Variants in FAM184B observed in about 807,000 individuals in gnomAD.
FAM184B encodes the protein family with sequence similarity 184 member B.
Under a neutral mutation model 135.9 loss-of-function variants are expected in FAM184B, and 111 were observed. The ratio of observed to expected loss-of-function variants is 0.82; its 90% CI spans 0.70 to 0.96. The LOEUF (loss-of-function observed/expected upper bound fraction) is 0.96, where lower values mean the gene tolerates loss of function less well. Ranked by LOEUF, FAM184B falls within the 40% of genes least tolerant of loss-of-function variation. The pLI is 0.00. For synonymous variants in FAM184B, 552 were observed against 524.8 expected, an observed-to-expected ratio of 1.05 and a Z score of -0.71; for missense variants, 1,375 against 1,323.9, an observed-to-expected ratio of 1.04 and a Z score of -0.60.
At chr4:17,650,949 G>A (rs904366863) in intron 11 of FAM184B, among the ~76,000 whole-genome samples, 1 of 151,968 alleles carries the variant, frequency 6.6e-6, no homozygotes, top group Non-Finnish European at 1.5e-5. Flanking sequence ...GTCCAGGCTG[G>A]TCTTGAACTA....
chr4:17,765,896 G>A (rs1017382944), intron 1 of FAM184B, among the ~76,000 whole-genome samples: 8 of 152,164 alleles, frequency 5.3e-5, no homozygotes, highest in African/African-American at 1.9e-4. Context: ...TGAAGCTGCA[G>A]ACCTTCGCGG....
At chr4:17,708,787 C>G (rs577156895) in intron 2 of FAM184B, 105 bp downstream of exon 2, 14 of 1,238,094 alleles carry the variant, frequency 1.1e-5, no homozygotes, top group Non-Finnish European at 1.5e-5. Context: ...GGCTCACCTC[C>G]GTAGAAGGCA....
At chr4:17,710,403 C>G (rs1363527767) in intron 1 of FAM184B, among the ~76,000 whole-genome samples, 1 of 152,062 alleles carries the variant, frequency 6.6e-6, no homozygotes, top group Non-Finnish European at 1.5e-5. Flanking sequence ...TGAAAATCAG[C>G]TAATGTAATA....
intron 1 of FAM184B, among the ~76,000 whole-genome samples, chr4:17,744,403 G>C (rs969906366): frequency 2.1e-4 from 32 of 151,680 alleles, no homozygotes; most frequent in South Asian, 2.1e-3. Context: ...CGCGAGGCAG[G>C]CCTTGGGGGC....
intron 11 of FAM184B, among the ~76,000 whole-genome samples, chr4:17,648,755 A>T (rs1715533042): frequency 6.6e-6 from 1 of 152,112 alleles, no homozygotes; most frequent in Non-Finnish European, 1.5e-5. Flanking sequence ...TCCCAGCAGG[A>T]TAGGGACTAA....
chr4:17,745,840 T>C (rs1214506794), intron 1 of FAM184B, among the ~76,000 whole-genome samples: 1 of 152,196 alleles, frequency 6.6e-6, no homozygotes, highest in Non-Finnish European at 1.5e-5. Flanking sequence ...GCTTTTGTGA[T>C]TTTAGAGAGT....
intron 1 of FAM184B, among the ~76,000 whole-genome samples, chr4:17,715,189 T>C (rs923058335): frequency 2.0e-5 from 3 of 152,110 alleles, no homozygotes; most frequent in African/African-American, 7.2e-5. Context: ...GAAATTAATG[T>C]TGGGGCCAGG....
chr4:17,708,037 G>T (rs1470176613), intron 2 of FAM184B, among the ~76,000 whole-genome samples: 1 of 152,130 alleles, frequency 6.6e-6, no homozygotes, highest in Non-Finnish European at 1.5e-5. Flanking sequence ...GCTGCTACTT[G>T]TAGAGATGGG....
chr4:17,690,396 T>G (rs1716704415), intron 6 of FAM184B, among the ~76,000 whole-genome samples: 1 of 152,100 alleles, frequency 6.6e-6, no homozygotes, highest in African/African-American at 2.4e-5. Context: ...AGGATAGTGG[T>G]AGCAAGTGAG....
At chr4:17,739,819 G>A (rs1717990894) in intron 1 of FAM184B, among the ~76,000 whole-genome samples, 4 of 151,944 alleles carry the variant, frequency 2.6e-5, no homozygotes, top group East Asian at 3.9e-4. Flanking sequence ...GCCTTGCAAG[G>A]TGCTGGGATT....
At chr4:17,633,938 T>C (rs74627932) in intron 16 of FAM184B, 50 bp from the exon 17 acceptor site, 9 of 241,038 alleles carry the variant, frequency 3.7e-5, no homozygotes, top group Admixed American at 5.8e-4. Context: ...AAAAACAAAA[T>C]AAAGCATTAT....
intron 1 of FAM184B, among the ~76,000 whole-genome samples, chr4:17,711,779 A>G (rs891945588): frequency 1.3e-5 from 2 of 152,292 alleles, no homozygotes; most frequent in Middle Eastern, 3.4e-3. Flanking sequence ...ACACGTCCTC[A>G]TGGGGATAGG....
At chr4:17,774,123 C>T (rs1054498740) in intron 1 of FAM184B, among the ~76,000 whole-genome samples, 9 of 152,120 alleles carry the variant, frequency 5.9e-5, no homozygotes, top group Non-Finnish European at 1.2e-4. Context: ...ACGCCTGCAA[C>T]CCTAGCACTC....
intron 1 of FAM184B, among the ~76,000 whole-genome samples, chr4:17,730,376 C>T (rs907809157): frequency 1.3e-5 from 2 of 152,132 alleles, no homozygotes; most frequent in Admixed American, 1.3e-4. Flanking sequence ...CCCAATCTAG[C>T]AAGGCAGGCC....
intron 7 of FAM184B, among the ~76,000 whole-genome samples, chr4:17,682,188 G>A (rs11722037): frequency 0.53 from 81,247 of 152,120 alleles, 23,712 homozygotes; most frequent in East Asian, 0.82. Flanking sequence ...TCCACCGCCC[G>A]TTCAGTGTGG....
chr4:17,644,637 A>C (rs1715413930), intron 12 of FAM184B, among the ~76,000 whole-genome samples: 2 of 152,248 alleles, frequency 1.3e-5, no homozygotes, highest in South Asian at 4.1e-4. Flanking sequence ...TCATATACTG[A>C]ATGGGCAAAA....
At chr4:17,722,692 C>G (rs1163697149) in intron 1 of FAM184B, among the ~76,000 whole-genome samples, 1 of 152,158 alleles carries the variant, frequency 6.6e-6, no homozygotes, top group Non-Finnish European at 1.5e-5. Context: ...AGAACACAGG[C>G]CTGGACTCTT....
At chr4:17,684,216 T>G (rs900358690) in intron 7 of FAM184B, among the ~76,000 whole-genome samples, 1 of 108,668 alleles carries the variant, frequency 9.2e-6, no homozygotes, top group African/African-American at 2.7e-5. Context: ...AATAATAATA[T>G]AATTACTATT....
At chr4:17,659,499 CT>C (rs1383847600) in intron 9 of FAM184B, among the ~76,000 whole-genome samples, 1 of 144,952 alleles carries the variant, frequency 6.9e-6, no homozygotes, top group African/African-American at 2.6e-5. Flanking sequence ...TTTTTATTTT[CT>C]TTTTGAGACA....
Sources: allele counts gnomAD v4.1 joint callset (sites outside exome capture counted in the v4.1 genomes callset), GRCh38; gene constraint gnomAD v4.1.1; transcripts MANE v1.5; gene names NCBI Gene and HGNC (gene_info 2026-07-23, HGNC 2026-07-21).